BAIAP2L1: variants seen among roughly 807,000 people sequenced by gnomAD.
BAIAP2L1 encodes the protein BAR/IMD domain containing adaptor protein 2 like 1.
In BAIAP2L1, 35 loss-of-function variants were observed where a neutral mutation model predicts 66.3. The observed-to-expected ratio is 0.53, with a 90% CI of 0.40 to 0.70. The LOEUF (loss-of-function observed/expected upper bound fraction) is 0.70. Among genes scored for constraint, BAIAP2L1 ranks in the 30% least tolerant of loss-of-function variants. The pLI, the probability that BAIAP2L1 is intolerant of heterozygous loss-of-function variation, is 0.00. For synonymous variants in BAIAP2L1, 269 were observed against 248.7 expected, an observed-to-expected ratio of 1.08 and a Z score of -0.77; for missense variants, 622 against 656.9, an observed-to-expected ratio of 0.95 and a Z score of 0.58.
intron 3 of BAIAP2L1, among the ~76,000 whole-genome samples, chr7:98,350,670 CAAAAAT>C (rs1410409323): frequency 6.6e-6 from 1 of 151,892 alleles, no homozygotes; most frequent in Non-Finnish European, 1.5e-5. Flanking sequence ...AGAACAAAAA[CAAAAAT>C]AAAAAAACAA....
At chr7:98,304,136 G>A (rs578211697) in intron 12 of BAIAP2L1, 60 bp downstream of exon 12, 20 of 1,474,834 alleles carry the variant, frequency 1.4e-5, no homozygotes, top group East Asian at 7.5e-5. Context: ...CAGGACCTGC[G>A]CCTCCCAGTC....
At position 98,304,348 on chromosome 7, in the gene BAIAP2L1, C is replaced by T. The variant is rs754304518; in HGVS notation, c.1270G>A (p.Val424Met). The T allele has an allele frequency of 9.0e-5, 146 of 1,613,406 alleles. No individual in the cohort carries two copies. The highest frequency in any genetic ancestry group is 1.2e-4 in the Non-Finnish European group (140 of 1,179,714). ...ACACTGCTATTCTCAGACAAGTTCACGGTGCTGATGCTTCTCACTGGTGTG... is the reference window on the plus strand; with the variant it reads ...ACACTGCTATTCTCAGACAAGTTCATGGTGCTGATGCTTCTCACTGGTGTG... ...SPTPVRSIST[V>M]NLSENSSVVI... The change falls in exon 12 of 14, where the codon GTG becomes ATG. Residue 424 changes from valine (V) to methionine (M), a missense_variant. Coordinates refer to ENST00000005260, the MANE Select transcript of BAIAP2L1 (RefSeq NM_018842.5).
intron 1 of BAIAP2L1, among the ~76,000 whole-genome samples, chr7:98,369,673 T>C (rs1390317488): frequency 7.5e-6 from 1 of 134,136 alleles, no homozygotes; most frequent in Non-Finnish European, 1.6e-5. Context: ...ATTTTTTTTT[T>C]TTTTTTTTTT....
chr7:98,320,085 C>T lies in BAIAP2L1; in HGVS notation c.321G>A (p.Lys107=). ...TCATATATTTCACGTCAAGTTCTAT[C>T]TTCTTCTCCAGCTCATGGATAATCT... ...HKEIIHELEK[K]IELDVKYMNA... Residue 107 remains lysine (K), a synonymous_variant, in exon 5 of 14, where the codon AAG becomes AAA. Coordinates refer to ENST00000005260, the MANE Select transcript of BAIAP2L1 (RefSeq NM_018842.5). 1.9e-6 allele frequency: 3 copies of T among 1,613,700 alleles called. No individual in the cohort carries two copies. Among genetic ancestry groups the T allele is most frequent in the Non-Finnish European group, 2.5e-6 (3 of 1,179,718 alleles).
chr7:98,322,338 A>T (rs1430488278), intron 3 of BAIAP2L1, among the ~76,000 whole-genome samples: 1 of 152,104 alleles, frequency 6.6e-6, no homozygotes, highest in Non-Finnish European at 1.5e-5. Flanking sequence ...CTTGCTGAAC[A>T]CGACCACGCA....
intron 12 of BAIAP2L1, among the ~76,000 whole-genome samples, chr7:98,300,882 C>G (rs890426181): frequency 2.0e-5 from 3 of 152,158 alleles, no homozygotes; most frequent in African/African-American, 4.8e-5. Flanking sequence ...GTGTTTTTGC[C>G]GAAGCTCGTG....
chr7:98,319,909 A>G (rs1801196408), intron 5 of BAIAP2L1, 149 bp downstream of exon 5: 2 of 715,464 alleles, frequency 2.8e-6, no homozygotes, highest in East Asian at 2.5e-5. Context: ...CAGCCCAAAG[A>G]GAGCTTGTCG....
At chr7:98,311,967 T>C in intron 8 of BAIAP2L1, 130 bp downstream of exon 8, 3 of 902,814 alleles carry the variant, frequency 3.3e-6, no homozygotes, top group Non-Finnish European at 3.4e-6. Context: ...GGTAAGGGGA[T>C]AGAGGTGCGA....
chr7:98,294,041 C>T (rs1278292595), intron 13 of BAIAP2L1, 33 bp downstream of exon 13: 1 of 1,611,096 alleles, frequency 6.2e-7, no homozygotes, highest in Non-Finnish European at 8.5e-7. Context: ...AGCAATGTCA[C>T]ACACTGAGGC....
At chr7:98,346,378 T>C (rs764169497) in intron 3 of BAIAP2L1, among the ~76,000 whole-genome samples, 2 of 152,128 alleles carry the variant, frequency 1.3e-5, no homozygotes, top group African/African-American at 2.4e-5. Context: ...AAATCTCAAA[T>C]AAATGAAAGC....
At chr7:98,318,842 G>A (rs1801157848) in intron 5 of BAIAP2L1, among the ~76,000 whole-genome samples, 1 of 151,400 alleles carries the variant, frequency 6.6e-6, no homozygotes, top group Non-Finnish European at 1.5e-5. Flanking sequence ...TAATTGGGAG[G>A]CTGAGGTAGG....
intron 1 of BAIAP2L1, among the ~76,000 whole-genome samples, chr7:98,394,440 C>T (rs1464635004): frequency 6.6e-6 from 1 of 152,172 alleles, no homozygotes; most frequent in African/African-American, 2.4e-5. Flanking sequence ...TCCCACAGGG[C>T]TCCCTGCCAA....
chr7:98,342,913 G>A (rs1203585728), intron 3 of BAIAP2L1, among the ~76,000 whole-genome samples: 1 of 151,716 alleles, frequency 6.6e-6, no homozygotes, highest in African/African-American at 2.4e-5. Flanking sequence ...TTTTTAAATG[G>A]GCACTGCTGG....
Position 98,395,354 on chromosome 7 carries a change from G to A in BAIAP2L1, c.51+5448C>T, listed in dbSNP as rs142720928. On this transcript the variant is annotated intron_variant, in intron 1 of 13. Transcript: ENST00000005260. ...CTCAGGAGTCTGAGGGAGGAGAATCGCTTGAACCTGGGAGGTGGAGGTTGC... is the reference window on the plus strand; with the variant it reads ...CTCAGGAGTCTGAGGGAGGAGAATCACTTGAACCTGGGAGGTGGAGGTTGC... Among the ~76,000 whole-genome samples the A allele has an allele frequency of 3.3e-3, 495 of 151,480 alleles. 3 individuals are homozygous for A. Among genetic ancestry groups the A allele is most frequent in the African/African-American group, 0.011 (469 of 41,278 alleles).
chr7:98,376,701 G>A (rs908211726), intron 1 of BAIAP2L1, among the ~76,000 whole-genome samples: 7 of 149,450 alleles, frequency 4.7e-5, no homozygotes, highest in East Asian at 2.0e-4. Flanking sequence ...GTGTGGTGGC[G>A]CATGCCTGTA....
At chr7:98,366,349 G>C (rs1172216942) in intron 1 of BAIAP2L1, among the ~76,000 whole-genome samples, 1 of 152,074 alleles carries the variant, frequency 6.6e-6, no homozygotes, top group Admixed American at 6.6e-5. Context: ...CTGGGGTAGG[G>C]AAGGGAAGCC....
chr7:98,351,891 C>A (rs1004510492), intron 3 of BAIAP2L1, among the ~76,000 whole-genome samples: 2 of 152,132 alleles, frequency 1.3e-5, no homozygotes, highest in African/African-American at 4.8e-5. Flanking sequence ...AGAGGCCGAC[C>A]CTCGAGGCGC....
intron 3 of BAIAP2L1, among the ~76,000 whole-genome samples, chr7:98,353,314 C>T (rs1397551769): frequency 7.0e-6 from 1 of 141,946 alleles, no homozygotes; most frequent in Non-Finnish European, 1.5e-5. Flanking sequence ...CACAGAGAGA[C>T]CCCCTAAAAT....
intron 1 of BAIAP2L1, among the ~76,000 whole-genome samples, chr7:98,393,084 T>G (rs552168637): frequency 1.9e-5 from 2 of 106,696 alleles, no homozygotes; most frequent in Non-Finnish European, 3.7e-5. Flanking sequence ...TACACACACA[T>G]ATATACATAT....
Sources: allele counts gnomAD v4.1 joint callset (sites outside exome capture counted in the v4.1 genomes callset), GRCh38; gene constraint gnomAD v4.1.1; transcripts MANE v1.5; gene names NCBI Gene and HGNC (gene_info 2026-07-23, HGNC 2026-07-21).